Variants in SLCO4A1 observed in about 807,000 individuals in gnomAD.
SLCO4A1 encodes the protein solute carrier organic anion transporter family member 4A1, also known as colon organic anion transporter.
Under a neutral mutation model 64.6 loss-of-function variants are expected in SLCO4A1, and 51 were observed. That is an observed-to-expected ratio of 0.79 (90% CI 0.63 to 1.00). The LOEUF (loss-of-function observed/expected upper bound fraction) is 1.00, where lower values mean the gene tolerates loss of function less well. Among genes scored for constraint, SLCO4A1 ranks in the 50% least tolerant of loss-of-function variants. The pLI is 0.00. For synonymous variants in SLCO4A1, 471 were observed against 444.9 expected (o/e 1.06, Z -0.74); for missense variants, 919 against 980.5 (o/e 0.94, Z 0.84).
chr20:62,684,770 C>T (rs181274713), intron 2 of SLCO4A1, among the ~76,000 whole-genome samples: 6 of 152,256 alleles, frequency 3.9e-5, no homozygotes, highest in Non-Finnish European at 7.4e-5. Context: ...GTCCCCATAA[C>T]TCATCAGGGC....
rs532109542 is a variant in SLCO4A1, at chr20:62,672,027, C to T, written c.*134C>T. 9 of 1,565,302 alleles carry T rather than the reference C, an allele frequency of 5.7e-6. No homozygotes were observed. The highest frequency in any genetic ancestry group is 2.3e-5 in the East Asian group (1 of 43,090). On this transcript the variant is annotated 3_prime_UTR_variant, in exon 12 of 12. Coordinates refer to ENST00000217159, the MANE Select transcript of SLCO4A1 (RefSeq NM_016354.4). ...TTCTACTTAACCTGTGGTTTAAAGTCGGCTGTGACCTCCTGTCCCCAGAGC... is the reference window on the plus strand; with the variant it reads ...TTCTACTTAACCTGTGGTTTAAAGTTGGCTGTGACCTCCTGTCCCCAGAGC...
chr20:62,683,432 G>A (rs1322774181), intron 2 of SLCO4A1, among the ~76,000 whole-genome samples: 1 of 152,156 alleles, frequency 6.6e-6, no homozygotes, highest in Admixed American at 6.5e-5. Context: ...TGGGCGCTTG[G>A]CGGGACGGAA....
At chr20:62,654,595 T>C in intron 1 of SLCO4A1, among the ~76,000 whole-genome samples, 1 of 152,226 alleles carries the variant, frequency 6.6e-6, no homozygotes, top group Non-Finnish European at 1.5e-5. Flanking sequence ...TGCAGAGCCC[T>C]GAGCATGGCT....
chr20:62,682,037 G>A (rs1987857123), intron 2 of SLCO4A1, among the ~76,000 whole-genome samples: 1 of 152,202 alleles, frequency 6.6e-6, no homozygotes, highest in Non-Finnish European at 1.5e-5. Flanking sequence ...CCTCAGCCGG[G>A]CCCCGTAACT....
At chr20:62,681,069 C>T (rs141394808) in intron 2 of SLCO4A1, among the ~76,000 whole-genome samples, 14 of 152,280 alleles carry the variant, frequency 9.2e-5, no homozygotes, top group African/African-American at 2.4e-4. Context: ...CAAGTCACCA[C>T]GCCCAGATAA....
intron 5 of SLCO4A1, among the ~76,000 whole-genome samples, chr20:62,662,853 GA>G (rs1353828424): frequency 4.7e-4 from 5 of 10,708 alleles, no homozygotes; most frequent in Non-Finnish European, 3.4e-3. Context: ...CACACGCCGG[GA>G]CCCCCCCCAG....
At chr20:62,679,401 A>G (rs943156164) in intron 2 of SLCO4A1, among the ~76,000 whole-genome samples, 1 of 149,754 alleles carries the variant, frequency 6.7e-6, no homozygotes, top group African/African-American at 2.5e-5. Context: ...TCCCTCAGCC[A>G]CCCAGCTTGG....
chr20:62,658,465 C>G (rs1984158929), intron 2 of SLCO4A1, among the ~76,000 whole-genome samples: 1 of 152,246 alleles, frequency 6.6e-6, no homozygotes, highest in African/African-American at 2.4e-5. Flanking sequence ...GTGCACTTGG[C>G]TTTGAGGGGG....
chr20:62,660,569 G>A (rs762980559), intron 4 of SLCO4A1, 36 bp downstream of exon 4: 1 of 1,600,614 alleles, frequency 6.2e-7, no homozygotes, highest in South Asian at 1.1e-5. Flanking sequence ...CTTCACATTG[G>A]GAGACTGTCC....
intron 1 of SLCO4A1, chr20:62,648,901 C>G: frequency 6.6e-6 from 1 of 152,312 alleles, no homozygotes; most frequent in African/African-American, 2.4e-5. Flanking sequence ...CGACAGTGTC[C>G]TGGGAGTCCC....
At chr20:62,649,826 G>A (rs529389798) in intron 1 of SLCO4A1, 1 of 152,456 alleles carries the variant, frequency 6.6e-6, no homozygotes, top group East Asian at 1.9e-4. Context: ...ACCTGCATCT[G>A]GCCTCATCAG....
In SLCO4A1 at chr20:62,661,121, G is replaced by C; in HGVS notation, c.1067G>C (p.Ser356Thr). The change falls in exon 5 of 12, where the codon AGC becomes ACC. Residue 356 changes from serine to threonine, a missense_variant. Transcript: ENST00000217159. This position sits in a 1 kb window ranked among gnomAD's most constrained non-coding sequence, Gnocchi z 5.2. ...AAEMHQLKDS[S>T]RGEASNPDFG... ...GAAATGCACCAGTTGAAGGACAGCA[G>C]CCGTGGGGAGGCGAGCAACCCGGAC... 1 of 1,613,084 alleles carries C rather than the reference G, an allele frequency of 6.2e-7. No individual in the cohort carries two copies.
chr20:62,658,384 A>T (rs1037163880), intron 2 of SLCO4A1, among the ~76,000 whole-genome samples: 1 of 152,238 alleles, frequency 6.6e-6, no homozygotes, highest in Non-Finnish European at 1.5e-5. Context: ...GCCAGTGTCC[A>T]TCTGTGCGGC....
Position 62,671,963 on chromosome 20 carries a change from T to C in SLCO4A1, c.*70T>C, listed in dbSNP as rs1295293865. ...CTGATGACAGAACAGTGCCGTTGGG[T>C]GATGCAATCACACGGGAACTTCTAT... On this transcript the variant is annotated 3_prime_UTR_variant, in exon 12 of 12. Coordinates refer to ENST00000217159, the MANE Select transcript of SLCO4A1 (RefSeq NM_016354.4). 6.2e-7 allele frequency: 1 copy of C among 1,600,154 alleles called. No homozygotes were observed. The highest frequency in any genetic ancestry group is 8.5e-7 in the Non-Finnish European group (1 of 1,179,692).
At chr20:62,654,323 T>C (rs1983228354) in intron 1 of SLCO4A1, among the ~76,000 whole-genome samples, 2 of 152,226 alleles carry the variant, frequency 1.3e-5, no homozygotes, top group African/African-American at 4.8e-5. Context: ...CAAAGACGCT[T>C]TTTCCAAATA....
chr20:62,676,177 G>A (rs1987583038), downstream of SLCO4A1, among the ~76,000 whole-genome samples: 1 of 152,228 alleles, frequency 6.6e-6, no homozygotes, highest in Non-Finnish European at 1.5e-5. Flanking sequence ...CACTTTGGGA[G>A]GCTGAGGCAA....
intron 2 of SLCO4A1, among the ~76,000 whole-genome samples, chr20:62,680,353 C>A (rs1482749877): frequency 6.6e-6 from 1 of 152,136 alleles, no homozygotes; most frequent in Non-Finnish European, 1.5e-5. Flanking sequence ...CCTTTCATTT[C>A]TTTTTCTTGC....
chr20:62,647,774 TG>T (rs1981629679), intron 1 of SLCO4A1, among the ~76,000 whole-genome samples: 1 of 152,230 alleles, frequency 6.6e-6, no homozygotes. Context: ...GGATACAGGC[TG>T]GCACCCCAGT....
chr20:62,674,385 A>T (rs1214702362), downstream of SLCO4A1, among the ~76,000 whole-genome samples: 1 of 152,214 alleles, frequency 6.6e-6, no homozygotes, highest in East Asian at 1.9e-4. Context: ...AAGGCTGGGC[A>T]GATCCAAATG....
Sources: allele counts gnomAD v4.1 joint callset (sites outside exome capture counted in the v4.1 genomes callset), GRCh38; gene constraint gnomAD v4.1.1; non-coding constraint Gnocchi (gnomAD v3.1); transcripts MANE v1.5; gene names NCBI Gene and HGNC (gene_info 2026-07-23, HGNC 2026-07-21).